Variants in GABRG3 observed in about 807,000 individuals in gnomAD.
GABRG3 encodes gamma-aminobutyric acid type A receptor subunit gamma3.
GABRG3 carries 25 observed loss-of-function variants against 48.8 expected under a neutral mutation model. That is an observed-to-expected ratio of 0.51 (90% CI 0.37 to 0.72). GABRG3 has a LOEUF of 0.72. Ranked by LOEUF, GABRG3 falls within the 30% of genes least tolerant of loss-of-function variation. The pLI is 0.00. For missense variants in GABRG3, 394 were observed against 577.9 expected, an observed-to-expected ratio of 0.68 and a Z score of 3.26; for synonymous variants, 227 against 217.6, an observed-to-expected ratio of 1.04 and a Z score of -0.38.
intron 3 of GABRG3, among the ~76,000 whole-genome samples, chr15:27,080,490 C>T (rs1896975039): frequency 6.6e-6 from 1 of 152,016 alleles, no homozygotes; most frequent in South Asian, 2.1e-4. Flanking sequence ...TATAGTCATT[C>T]TGATTAAGCT....
chr15:27,339,735 G>C (rs1894102023), intron 5 of GABRG3, among the ~76,000 whole-genome samples: 1 of 152,166 alleles, frequency 6.6e-6, no homozygotes, highest in Non-Finnish European at 1.5e-5. Flanking sequence ...CTTGAAGGTG[G>C]GTTATTTTAT....
chr15:27,364,106 G>A (rs998886401), intron 5 of GABRG3: 5 of 152,226 alleles, frequency 3.3e-5, no homozygotes, highest in African/African-American at 1.2e-4. Context: ...GTATGTACAT[G>A]TAATTGTGCA....
chr15:27,501,931 T>C (rs1028541418), intron 6 of GABRG3, among the ~76,000 whole-genome samples: 1 of 152,152 alleles, frequency 6.6e-6, no homozygotes, highest in African/African-American at 2.4e-5. Flanking sequence ...TCCTTCCCCA[T>C]GAGTCTTGCA....
At position 26,975,014 on chromosome 15, in the gene GABRG3, C is replaced by T. The variant is rs1410275709; in HGVS notation, c.54-1988C>T. Among the ~76,000 whole-genome samples the T allele has an allele frequency of 6.6e-6, 1 of 151,770 alleles. No homozygotes were observed. The highest frequency in any genetic ancestry group is 2.4e-5 in the African/African-American group (1 of 41,350). Reference sequence around the variant, plus strand: ...TCAGCCTCCTGAATAGCCAGGACTACAGGCATGTGCCACCATGCCCCGCTA... The same window carrying T: ...TCAGCCTCCTGAATAGCCAGGACTATAGGCATGTGCCACCATGCCCCGCTA... On this transcript the variant is annotated intron_variant, in intron 1 of 9. Transcript: ENST00000615808. The surrounding 1 kb of genome is among the most constrained non-coding windows in gnomAD (Gnocchi z 4.6).
chr15:27,350,333 T>C, intron 5 of GABRG3: 3 of 372,238 alleles, frequency 8.1e-6, no homozygotes, highest in South Asian at 6.0e-5. Flanking sequence ...TTTTCTGACT[T>C]CTCATCGCGT....
chr15:27,031,727 G>T (rs1344966096), intron 3 of GABRG3, among the ~76,000 whole-genome samples: 2 of 152,194 alleles, frequency 1.3e-5, no homozygotes, highest in Non-Finnish European at 2.9e-5. Flanking sequence ...GAAGCTTTAA[G>T]AAGTGAAGTC....
chr15:27,123,818 G>A (rs991296711), intron 3 of GABRG3, among the ~76,000 whole-genome samples: 6 of 152,118 alleles, frequency 3.9e-5, no homozygotes, highest in Admixed American at 6.5e-5. Flanking sequence ...AGCAGGACTC[G>A]AACCAGGGAG....
chr15:27,075,225 A>G (rs1181442889), intron 3 of GABRG3, among the ~76,000 whole-genome samples: 2 of 152,200 alleles, frequency 1.3e-5, no homozygotes, highest in African/African-American at 4.8e-5. Flanking sequence ...TCTTTTATTG[A>G]GCAAAACATC....
chr15:27,193,516 T>A (rs1402903591), intron 3 of GABRG3, among the ~76,000 whole-genome samples: 1 of 151,958 alleles, frequency 6.6e-6, no homozygotes, highest in African/African-American at 2.4e-5. Flanking sequence ...CGTAGGACCC[T>A]CCGAGCCAGG....
At chr15:27,302,308 C>A (rs1892238850) in intron 3 of GABRG3, among the ~76,000 whole-genome samples, 1 of 151,960 alleles carries the variant, frequency 6.6e-6, no homozygotes, top group Non-Finnish European at 1.5e-5. Context: ...AATGAAGTGG[C>A]AGAATACTCA....
chr15:27,433,213 T>C (rs186944925), intron 5 of GABRG3, among the ~76,000 whole-genome samples: 1 of 152,190 alleles, frequency 6.6e-6, no homozygotes, highest in African/African-American at 2.4e-5. Flanking sequence ...GGAACCCCAC[T>C]CCAGGTACCA....
At chr15:27,139,725 A>C (rs1166506780) in intron 3 of GABRG3, among the ~76,000 whole-genome samples, 1 of 152,118 alleles carries the variant, frequency 6.6e-6, no homozygotes, top group Non-Finnish European at 1.5e-5. Flanking sequence ...AATCCTTAGA[A>C]TCTCCCAAGA....
rs117942965 is a variant in GABRG3, at chr15:27,145,182, G to A, written c.270+118361G>A. ...ATGAACCATATACAGGGAAAAAACC[G>A]TCAATAGAAACTGTCCATGAGGAAG... On this transcript the variant is annotated intron_variant, in intron 3 of 9. Transcript: ENST00000615808. Among the ~76,000 whole-genome samples, 139 of 151,686 alleles carry A rather than the reference G, an allele frequency of 9.2e-4. 1 individual carries two copies. Among genetic ancestry groups the A allele is most frequent in the Non-Finnish European group, 1.2e-3 (83 of 67,918 alleles).
At chr15:27,276,780 T>G (rs914875151) in intron 3 of GABRG3, among the ~76,000 whole-genome samples, 2 of 152,228 alleles carry the variant, frequency 1.3e-5, no homozygotes, top group East Asian at 1.9e-4. Context: ...AGGAAAACAT[T>G]TGGACAAAGC....
At chr15:27,200,450 C>T (rs1402628053) in intron 3 of GABRG3, among the ~76,000 whole-genome samples, 1 of 152,150 alleles carries the variant, frequency 6.6e-6, no homozygotes, top group African/African-American at 2.4e-5. Context: ...GCCTTTGAAT[C>T]AAGAATGCAG....
chr15:26,972,855 T>G (rs1391921415), intron 1 of GABRG3, among the ~76,000 whole-genome samples: 2 of 152,122 alleles, frequency 1.3e-5, no homozygotes, highest in Non-Finnish European at 2.9e-5. Flanking sequence ...GAGTTGAGTG[T>G]GGAAGCCGAC....
At chr15:27,361,584 A>G (rs1004739900) in intron 5 of GABRG3, among the ~76,000 whole-genome samples, 9 of 152,318 alleles carry the variant, frequency 5.9e-5, no homozygotes, top group African/African-American at 2.2e-4. Flanking sequence ...CCCCTGCCAG[A>G]GAAGACTGGA....
intron 5 of GABRG3, among the ~76,000 whole-genome samples, chr15:27,418,597 G>T (rs79975742): frequency 0.032 from 4,813 of 152,300 alleles, 116 homozygotes; most frequent in Middle Eastern, 0.11. Context: ...CACCGGTGAG[G>T]CTTTTGCCTG....
At chr15:27,016,542 T>A (rs1019558491) in intron 2 of GABRG3, among the ~76,000 whole-genome samples, 2 of 152,204 alleles carry the variant, frequency 1.3e-5, no homozygotes, top group African/African-American at 4.8e-5. Context: ...TCATTGTCTG[T>A]GACTTTTGAC....
Sources: allele counts gnomAD v4.1 joint callset (sites outside exome capture counted in the v4.1 genomes callset), GRCh38; gene constraint gnomAD v4.1.1; non-coding constraint Gnocchi (gnomAD v3.1); transcripts MANE v1.5; gene names NCBI Gene and HGNC (gene_info 2026-07-23, HGNC 2026-07-21).